Variants in ABCC9 observed in about 807,000 individuals in gnomAD.
The protein encoded by ABCC9 is ATP-binding cassette sub-family C member 9.
ABCC9 carries 95 observed loss-of-function variants against 188.3 expected under a neutral mutation model. The observed-to-expected ratio is 0.50, with a 90% CI of 0.43 to 0.60. ABCC9 has a LOEUF of 0.60. Among genes scored for constraint, ABCC9 ranks in the 20% least tolerant of loss-of-function variants. The pLI, the probability that ABCC9 is intolerant of heterozygous loss-of-function variation, is 0.00. For synonymous variants in ABCC9, 659 were observed against 652.7 expected, an observed-to-expected ratio of 1.01 and a Z score of -0.15; for missense variants, 1,102 against 1,876.3, an observed-to-expected ratio of 0.59 and a Z score of 7.62.
At chr12:21,816,408 G>T (rs968216759) in intron 33 of ABCC9, among the ~76,000 whole-genome samples, 3 of 152,130 alleles carry the variant, frequency 2.0e-5, no homozygotes, top group African/African-American at 7.2e-5. Flanking sequence ...GAGGCCCCAT[G>T]ATGAAGGCAA....
intron 6 of ABCC9, among the ~76,000 whole-genome samples, chr12:21,916,279 T>C (rs1052900737): frequency 4.6e-5 from 7 of 152,300 alleles, no homozygotes; most frequent in African/African-American, 1.7e-4. Flanking sequence ...TTGAGTCTCT[T>C]GATCTATGGT....
rs771026513 is a variant in ABCC9 at position 21,805,219 on chromosome 12, G to A, written c.4512+779C>T. ...AAGTGGAAAAGAGGCCATTCTTGTG[G>A]GCGAGCAAATTTGGGACAGTATCAC... is the stretch of plus-strand genomic sequence containing the variant. On this transcript the variant is annotated intron_variant, in intron 39 of 39. Transcript: ENST00000261200. 4 of 1,613,932 alleles carry A rather than the reference G, an allele frequency of 2.5e-6. No individual in the cohort carries two copies. The Admixed American group carries it at 6.7e-5, about 27-fold the overall frequency.
rs564143229 is a variant in ABCC9, at chr12:21,798,697, C to T, written c.*2347G>A. ...TGTGGAAGTCAGTGTGGCGATTCCT[C>T]AGGGATCTAGAACTAGAAATACCAT... is the stretch of plus-strand genomic sequence containing the variant. On this transcript the variant is annotated 3_prime_UTR_variant, in exon 40 of 40. Coordinates refer to ENST00000261200, the MANE Select transcript of ABCC9 (RefSeq NM_020297.4). 3.9e-5 allele frequency: 6 copies of T among 151,968 alleles called. No homozygotes were observed. The highest frequency in any genetic ancestry group is 1.2e-4 in the African/African-American group (5 of 41,436). 9.4% of individuals were successfully genotyped at this position (151,968 alleles called of 1,614,324 possible). A position where few individuals can be genotyped will look rare whatever the true frequency, so the allele number is the denominator to read the frequency against.
At chr12:21,823,853 C>T (rs1943196032) in intron 31 of ABCC9, among the ~76,000 whole-genome samples, 1 of 152,242 alleles carries the variant, frequency 6.6e-6, no homozygotes, top group Non-Finnish European at 1.5e-5. Flanking sequence ...GAAAAACAGT[C>T]CGCTCTGCTG....
At chr12:21,851,773 G>A (rs2137437712) in intron 24 of ABCC9, among the ~76,000 whole-genome samples, 1 of 151,992 alleles carries the variant, frequency 6.6e-6, no homozygotes, top group Non-Finnish European at 1.5e-5. Flanking sequence ...GTATAAATAA[G>A]AAAAAATAAG....
intron 12 of ABCC9, among the ~76,000 whole-genome samples, chr12:21,900,060 A>G (rs1947643572): frequency 1.3e-5 from 2 of 152,200 alleles, no homozygotes; most frequent in Admixed American, 6.5e-5. Context: ...AGGCACCCCC[A>G]GTAGGGGCAG....
intron 12 of ABCC9, among the ~76,000 whole-genome samples, chr12:21,899,516 G>A (rs891914023): frequency 3.3e-5 from 5 of 152,138 alleles, no homozygotes; most frequent in South Asian, 4.1e-4. Flanking sequence ...GCGAGGCATC[G>A]CCTCACCCAG....
intron 28 of ABCC9, among the ~76,000 whole-genome samples, chr12:21,843,278 A>G (rs1242215712): frequency 2.6e-5 from 4 of 152,176 alleles, no homozygotes; most frequent in Non-Finnish European, 5.9e-5. Flanking sequence ...TCCTTTATTG[A>G]AAAATTAATC....
chr12:21,893,896 C>A, intron 14 of ABCC9, 136 bp downstream of exon 14: 3 of 888,066 alleles, frequency 3.4e-6, no homozygotes, highest in South Asian at 1.9e-5. Flanking sequence ...TGAAAAGTAG[C>A]ATACCACAAT....
intron 4 of ABCC9, among the ~76,000 whole-genome samples, chr12:21,929,665 T>C (rs1949194854): frequency 6.6e-6 from 1 of 152,104 alleles, no homozygotes; most frequent in Admixed American, 6.6e-5. Context: ...TTAATAATCA[T>C]GAAGATTCTT....
At chr12:21,936,430 A>G in intron 3 of ABCC9, 103 bp downstream of exon 3, 1 of 1,007,336 alleles carries the variant, frequency 9.9e-7, no homozygotes, top group Non-Finnish European at 1.5e-6. Flanking sequence ...CACAGCCATC[A>G]GCTTCCATGT....
intron 12 of ABCC9, among the ~76,000 whole-genome samples, chr12:21,899,850 G>T (rs2137783554): frequency 6.6e-6 from 1 of 152,344 alleles, no homozygotes; most frequent in East Asian, 1.9e-4. Context: ...AGCTCAAGGA[G>T]GCCTGCCTGC....
At position 21,800,332 on chromosome 12, in the gene ABCC9, A is replaced by G. The variant is rs912287421; in HGVS notation, c.*712T>C. ...AATCATTCTTTGAACTTCAGTCTGGAAAAGGTACATACATTATGCCTGATA... is the reference window on the plus strand; with the variant it reads ...AATCATTCTTTGAACTTCAGTCTGGGAAAGGTACATACATTATGCCTGATA... On this transcript the variant is annotated 3_prime_UTR_variant, in exon 40 of 40. Transcript: ENST00000261200. The G allele has an allele frequency of 1.3e-5, 2 of 152,198 alleles. No homozygotes were observed. Among genetic ancestry groups the G allele is most frequent in the Non-Finnish European group, 2.9e-5 (2 of 68,032 alleles). 9.4% of individuals were successfully genotyped at this position (152,198 alleles called of 1,614,324 possible).
chr12:21,829,104 G>A (rs1455575116), intron 30 of ABCC9, 44 bp from the exon 31 acceptor site: 1 of 1,369,140 alleles, frequency 7.3e-7, no homozygotes, highest in Non-Finnish European at 1.0e-6. Flanking sequence ...AACAGGAGAG[G>A]TAATAAGAAA....
At chr12:21,852,040 T>C in intron 24 of ABCC9, 57 bp downstream of exon 24, 1 of 1,597,994 alleles carries the variant, frequency 6.3e-7, no homozygotes, top group Non-Finnish European at 8.6e-7. Flanking sequence ...TAGTAATTAG[T>C]AAATTTCTAA....
intron 34 of ABCC9, 45 bp downstream of exon 34, chr12:21,815,718 C>G (rs1942567111): frequency 1.9e-6 from 3 of 1,606,390 alleles, no homozygotes; most frequent in Non-Finnish European, 2.5e-6. Context: ...CAGACTCCCT[C>G]AGAGGTTTTA....
chr12:21,888,619 C>T (rs1335909283), intron 14 of ABCC9, among the ~76,000 whole-genome samples: 1 of 152,056 alleles, frequency 6.6e-6, no homozygotes, highest in Non-Finnish European at 1.5e-5. Flanking sequence ...TACTCAGAGG[C>T]ACTTTATAAA....
At chr12:21,921,550 C>G (rs7300572) in intron 5 of ABCC9, among the ~76,000 whole-genome samples, 5 of 151,832 alleles carry the variant, frequency 3.3e-5, no homozygotes, top group African/African-American at 1.2e-4. Context: ...ACTTTTTCCT[C>G]TGCTGTGCAG....
In ABCC9 at chr12:21,862,992, T is replaced by C. The variant is rs751831174; in HGVS notation, c.2300A>G (p.Glu767Gly). The C allele has an allele frequency of 1.9e-6, 3 of 1,612,862 alleles. No individual in the cohort carries two copies. The Admixed American group carries it at 5.0e-5, about 27-fold the overall frequency. Residue 767 changes from glutamate (E) to glycine (G), a missense_variant, in exon 20 of 40, where the codon GAA (glutamate) becomes GGA (glycine). This residue lies in a region of ABCC9 where 258 missense variants were observed against 325.6 expected (regional missense o/e 0.79). Coordinates refer to ENST00000261200, the MANE Select transcript of ABCC9 (RefSeq NM_020297.4). ...AGGACTTCCAAAAGTAATATTTTCT[T>C]CTACTGTAGCATTTAATAGCCAAGG... is the stretch of plus-strand genomic sequence containing the variant. ...QKPWLLNATV[E>G]ENITFGSPFN...
Sources: gnomAD v4.1 joint callset for allele counts (sites outside exome capture counted in the v4.1 genomes callset) on GRCh38, gnomAD v4.1.1 for gene constraint, gnomAD v4.1.1 regional missense constraint, MANE v1.5 for transcripts, NCBI Gene and HGNC (gene_info 2026-07-23, HGNC 2026-07-21) for gene names.